The following ZNRF1 variants were observed in gnomAD, a reference collection of about 807,000 sequenced individuals.
The protein encoded by ZNRF1 is zinc and ring finger 1, also known as E3 ubiquitin-protein ligase ZNRF1.
ZNRF1 carries 3 observed loss-of-function variants against 18.4 expected under a neutral mutation model. That is an observed-to-expected ratio of 0.16 (90% CI 0.07 to 0.42). The LOEUF is 0.42. ZNRF1 is among the 10% of genes least tolerant of loss of function. The pLI is 0.99. For missense variants in ZNRF1, 310 were observed against 329.8 expected (o/e 0.94, Z 0.47); for synonymous variants, 157 against 144.2 (o/e 1.09, Z -0.64).
Position 74,999,719 on chromosome 16 carries a change from G to T in ZNRF1, c.48G>T (p.Pro16=). Residue 16 remains proline (P), a synonymous_variant, in exon 1 of 5, where the codon CCG becomes CCT. Transcript: ENST00000335325. The part of the protein sequence containing the change: ...STAARSRGPF[P]GVSTDDSAVP... ...CGGCCCGCTCCCGGGGCCCCTTCCC[G>T]GGGGTCTCCACCGATGACAGCGCCG... 7.3e-7 allele frequency: 1 copy of T among 1,369,568 alleles called. No individual in the cohort carries two copies. The highest frequency in any genetic ancestry group is 2.5e-4 in the Middle Eastern group (1 of 3,934). The allele number at this position is 1,369,568 out of a possible 1,614,324, so 84.8% of individuals were successfully genotyped here. A position where few individuals can be genotyped will look rare whatever the true frequency, so the allele number is the denominator to read the frequency against.
At chr16:75,004,010 G>GAC (rs2034887135) in intron 1 of ZNRF1, among the ~76,000 whole-genome samples, 2 of 151,542 alleles carry the variant, frequency 1.3e-5, no homozygotes, top group Non-Finnish European at 2.9e-5. Context: ...ACCCAGGCTG[G>GAC]AGTGCAGTGG....
intron 1 of ZNRF1, among the ~76,000 whole-genome samples, chr16:75,032,148 C>T (rs142480890): frequency 0.018 from 2,277 of 124,110 alleles, 56 homozygotes; most frequent in African/African-American, 0.069. Context: ...CTTGCTCTGT[C>T]GCCCAGGCTG....
intron 3 of ZNRF1, chr16:75,105,094 T>G (rs908097761): frequency 7.9e-6 from 4 of 505,560 alleles, no homozygotes; most frequent in African/African-American, 7.8e-5. Flanking sequence ...CAGAGTGGAG[T>G]TGCCAGAGGT....
At chr16:75,026,091 G>A (rs1397972964) in intron 1 of ZNRF1, among the ~76,000 whole-genome samples, 1 of 152,144 alleles carries the variant, frequency 6.6e-6, no homozygotes, top group African/African-American at 2.4e-5. Flanking sequence ...TTTGAGTCAG[G>A]TGACAGGTCA....
intron 1 of ZNRF1, among the ~76,000 whole-genome samples, chr16:75,020,053 GTT>G (rs35520846): frequency 6.6e-6 from 1 of 151,340 alleles, no homozygotes; most frequent in African/African-American, 2.4e-5. Context: ...CTATGTTAAA[GTT>G]TTTTTTTAAT....
At chr16:75,059,229 C>CTTTTTTTTTTTTTTTTTTTTTTTTTTTT (rs35291578) in intron 1 of ZNRF1, among the ~76,000 whole-genome samples, 4 of 92,878 alleles carry the variant, frequency 4.3e-5, no homozygotes, top group Non-Finnish European at 4.1e-5. Flanking sequence ...TTCTTTCTTT[C>CTTTTTTTTTTTTTTTTTTTTTTTTTTTT]TTTTTTTTTT....
intron 1 of ZNRF1, among the ~76,000 whole-genome samples, chr16:75,014,478 T>C (rs994578359): frequency 2.6e-5 from 4 of 152,242 alleles, no homozygotes; most frequent in African/African-American, 7.2e-5. Context: ...TTACTACTTA[T>C]TGCTATAGCA....
intron 2 of ZNRF1, among the ~76,000 whole-genome samples, chr16:75,100,400 C>T (rs1487650203): frequency 1.3e-5 from 2 of 152,220 alleles, no homozygotes; most frequent in Non-Finnish European, 2.9e-5. Flanking sequence ...CTTCCCCTTC[C>T]CTTTCCCCTA....
rs376411024 is a variant in ZNRF1, at chr16:75,050,276, G to A, written c.425-43296G>A. On this transcript the variant is annotated intron_variant, in intron 1 of 4. Coordinates refer to ENST00000335325, the MANE Select transcript of ZNRF1 (RefSeq NM_032268.5). ...TGCAGTGGCTCACTCCTGTAATCCC[G>A]GCACTTGGTGAGGTCGAGGCGGGAG... is the stretch of plus-strand genomic sequence containing the variant. Among the ~76,000 whole-genome samples, 21 of 152,034 alleles carry A rather than the reference G, an allele frequency of 1.4e-4. 2 individuals are homozygous for A. Among genetic ancestry groups the A allele is most frequent in the South Asian group, 1.3e-3 (6 of 4,800 alleles).
At chr16:75,040,051 T>C (rs1417749865) in intron 1 of ZNRF1, among the ~76,000 whole-genome samples, 22 of 59,826 alleles carry the variant, frequency 3.7e-4, no homozygotes, top group African/African-American at 5.0e-4. Context: ...TCTTTTTTTT[T>C]TTTTTTTTTT....
At chr16:75,001,028 A>G (rs2145310465) in intron 1 of ZNRF1, among the ~76,000 whole-genome samples, 1 of 152,300 alleles carries the variant, frequency 6.6e-6, no homozygotes, top group Non-Finnish European at 1.5e-5. Flanking sequence ...CAGGAGGAAA[A>G]CAGGTCTGTC....
At chr16:75,095,885 C>A in intron 2 of ZNRF1, 2 of 826,022 alleles carry the variant, frequency 2.4e-6, no homozygotes, top group Non-Finnish European at 3.4e-6. Flanking sequence ...GGCAGCCTCA[C>A]CCAAGACTAC....
At chr16:75,010,711 G>GTTTTTGTTTT (rs2034986440) in intron 1 of ZNRF1, among the ~76,000 whole-genome samples, 45 of 74,350 alleles carry the variant, frequency 6.1e-4, no homozygotes, top group South Asian at 1.9e-3. Context: ...GTTTTTTTTT[G>GTTTTTGTTTT]TTTTTTTGTT....
chr16:75,045,094 T>C (rs1247491253), intron 1 of ZNRF1, among the ~76,000 whole-genome samples: 2 of 152,164 alleles, frequency 1.3e-5, no homozygotes, highest in African/African-American at 4.8e-5. Context: ...TCGTGGGTGG[T>C]GCTTGTCCGG....
intron 1 of ZNRF1, among the ~76,000 whole-genome samples, chr16:75,062,899 G>T (rs947366503): frequency 2.6e-5 from 4 of 152,178 alleles, no homozygotes; most frequent in African/African-American, 9.7e-5. Flanking sequence ...TTTACCACGT[G>T]GGAGGCCTGG....
chr16:75,104,593 T>C, intron 2 of ZNRF1, 191 bp from the exon 3 acceptor site: 2 of 493,002 alleles, frequency 4.1e-6, no homozygotes, highest in Non-Finnish European at 7.3e-6. Context: ...AATTAACATG[T>C]GATGTCCACG....
At chr16:75,101,957 T>C (rs1267452028) in intron 2 of ZNRF1, among the ~76,000 whole-genome samples, 4 of 152,180 alleles carry the variant, frequency 2.6e-5, no homozygotes, top group African/African-American at 9.7e-5. Context: ...ATCTCCCTTC[T>C]CAGTTTGTGT....
At chr16:75,035,882 A>AT (rs2035370440) in intron 1 of ZNRF1, among the ~76,000 whole-genome samples, 1 of 152,094 alleles carries the variant, frequency 6.6e-6, no homozygotes. Context: ...AAACTCTGCC[A>AT]TTTTGCCTCT....
chr16:75,045,478 A>T (rs1339059975), intron 1 of ZNRF1, among the ~76,000 whole-genome samples: 1 of 151,274 alleles, frequency 6.6e-6, no homozygotes, highest in Admixed American at 6.6e-5. Context: ...TGGGTGCAAT[A>T]TTTTTTTTTA....
Sources: gnomAD v4.1 joint callset for allele counts (sites outside exome capture counted in the v4.1 genomes callset) on GRCh38, gnomAD v4.1.1 for gene constraint, MANE v1.5 for transcripts, NCBI Gene and HGNC (gene_info 2026-07-23, HGNC 2026-07-21) for gene names.